SH3RF2: variants seen among roughly 807,000 people sequenced by gnomAD.
SH3RF2 encodes the protein E3 ubiquitin-protein ligase SH3RF2.
Under a neutral mutation model 59.0 loss-of-function variants are expected in SH3RF2, and 43 were observed. The ratio of observed to expected loss-of-function variants is 0.73; its 90% CI spans 0.57 to 0.94. The LOEUF is 0.94. Ranked by LOEUF, SH3RF2 falls within the 40% of genes least tolerant of loss-of-function variation. SH3RF2 has a pLI of 0.00. For missense variants in SH3RF2, 930 were observed against 940.1 expected, an observed-to-expected ratio of 0.99 and a Z score of 0.14; for synonymous variants, 391 against 391.5, an observed-to-expected ratio of 1.00 and a Z score of 0.01.
intron 2 of SH3RF2, among the ~76,000 whole-genome samples, chr5:145,968,376 G>A (rs894905975): frequency 1.3e-5 from 2 of 152,134 alleles, no homozygotes; most frequent in Non-Finnish European, 1.5e-5. Context: ...TTTAAAATGA[G>A]TTAGCTCTAA....
intron 3 of SH3RF2, among the ~76,000 whole-genome samples, chr5:146,001,052 G>A (rs115139686): frequency 4.2e-4 from 64 of 152,194 alleles, no homozygotes; most frequent in African/African-American, 8.2e-4. Context: ...TAACATAATC[G>A]TGCCTTTCTA....
At chr5:145,973,076 C>T (rs1759149929) in intron 2 of SH3RF2, among the ~76,000 whole-genome samples, 1 of 152,130 alleles carries the variant, frequency 6.6e-6, no homozygotes, top group Non-Finnish European at 1.5e-5. Flanking sequence ...GTGCTTGGGA[C>T]TCAGGAAAGG....
rs1762949417 is a variant in SH3RF2, at chr5:146,062,775, T to C, written c.*74T>C. 1 of 1,530,244 alleles carries C rather than the reference T, an allele frequency of 6.5e-7. No homozygotes were observed. Among genetic ancestry groups the C allele is most frequent in the Non-Finnish European group, 8.8e-7 (1 of 1,136,360 alleles). 94.8% of individuals were successfully genotyped at this position (1,530,244 alleles called of 1,614,324 possible). On this transcript the variant is annotated 3_prime_UTR_variant, in exon 10 of 10. Coordinates refer to ENST00000359120, the MANE Select transcript of SH3RF2 (RefSeq NM_152550.4). ...ATACAGTCTGCCTCCACTGAGGGCA[T>C]CCTGCCATTCTTTGGGGACTTGAGC...
At chr5:146,063,646 G>A (rs1471608590), downstream of SH3RF2, among the ~76,000 whole-genome samples, 1 of 152,198 alleles carries the variant, frequency 6.6e-6, no homozygotes, top group Non-Finnish European at 1.5e-5. Context: ...GACCACTTGA[G>A]GTCAGGAGTT....
At chr5:145,969,852 T>C (rs1759007148) in intron 2 of SH3RF2, among the ~76,000 whole-genome samples, 1 of 152,178 alleles carries the variant, frequency 6.6e-6, no homozygotes, top group South Asian at 2.1e-4. Flanking sequence ...CAATATACAC[T>C]GTAGTGCCAG....
chr5:145,998,603 T>A (rs1034685407), intron 2 of SH3RF2, among the ~76,000 whole-genome samples: 1 of 152,328 alleles, frequency 6.6e-6, no homozygotes, highest in Admixed American at 6.5e-5. Context: ...ACACTTTTTT[T>A]TCATTTCCCA....
intron 4 of SH3RF2, among the ~76,000 whole-genome samples, chr5:146,006,640 A>G (rs949479872): frequency 6.6e-6 from 1 of 152,184 alleles, no homozygotes. Context: ...AGAGAGTGAA[A>G]GAGGAACAAA....
intron 2 of SH3RF2, among the ~76,000 whole-genome samples, chr5:145,986,815 A>T (rs1759725995): frequency 6.6e-6 from 1 of 152,168 alleles, no homozygotes; most frequent in Non-Finnish European, 1.5e-5. Context: ...AAAAATGAAA[A>T]TACGCCAATG....
At chr5:146,004,284 G>T (rs1001929311) in intron 4 of SH3RF2, 131 bp downstream of exon 4, 5 of 588,396 alleles carry the variant, frequency 8.5e-6, no homozygotes, top group African/African-American at 5.8e-5. Flanking sequence ...CTAAAGAAAA[G>T]ATGCCAGACA....
At chr5:145,950,966 A>G (rs1358147074) in intron 2 of SH3RF2, among the ~76,000 whole-genome samples, 1 of 152,258 alleles carries the variant, frequency 6.6e-6, no homozygotes, top group Non-Finnish European at 1.5e-5. Context: ...TACTATGGTT[A>G]TGGAAAAAGT....
chr5:146,005,166 T>TA (rs201859023), intron 4 of SH3RF2, among the ~76,000 whole-genome samples: 24 of 148,604 alleles, frequency 1.6e-4, no homozygotes, highest in African/African-American at 2.7e-4. Flanking sequence ...AAATCTTCTT[T>TA]AAAAAAAAAA....
intron 5 of SH3RF2, among the ~76,000 whole-genome samples, chr5:146,025,607 T>C (rs1438202390): frequency 6.6e-6 from 1 of 152,208 alleles, no homozygotes; most frequent in Non-Finnish European, 1.5e-5. Context: ...GGAACATAAA[T>C]CAAAACATGA....
intron 9 of SH3RF2, among the ~76,000 whole-genome samples, chr5:146,077,580 G>T (rs1763361940): frequency 6.6e-6 from 1 of 152,090 alleles, no homozygotes; most frequent in Non-Finnish European, 1.5e-5. Flanking sequence ...AAACATTTCA[G>T]TGTGTATTTT....
At chr5:146,023,374 A>G (rs1761405001) in intron 5 of SH3RF2, among the ~76,000 whole-genome samples, 1 of 152,018 alleles carries the variant, frequency 6.6e-6, no homozygotes, top group African/African-American at 2.4e-5. Context: ...ACACCTGCCT[A>G]ATTTTTGTAT....
intron 5 of SH3RF2, among the ~76,000 whole-genome samples, chr5:146,027,752 C>T (rs142415185): frequency 1.5e-3 from 222 of 152,190 alleles, no homozygotes; most frequent in African/African-American, 4.9e-3. Flanking sequence ...AAAAAGGAAG[C>T]GAGCTGAGGT....
At chr5:146,004,473 TTAAA>T (rs1561736239) in intron 4 of SH3RF2, among the ~76,000 whole-genome samples, 2 of 152,188 alleles carry the variant, frequency 1.3e-5, no homozygotes, top group Non-Finnish European at 2.9e-5. Context: ...AAGAAAATAT[TTAAA>T]TAAGTATGCA....
chr5:145,942,011 A>G (rs1757834883), intron 2 of SH3RF2, among the ~76,000 whole-genome samples: 1 of 152,092 alleles, frequency 6.6e-6, no homozygotes, highest in Non-Finnish European at 1.5e-5. Flanking sequence ...TGATTTTTGC[A>G]TTGTTTTGTT....
intron 9 of SH3RF2, among the ~76,000 whole-genome samples, chr5:146,071,172 G>GCTAAAC (rs1763228946): frequency 6.6e-6 from 1 of 152,186 alleles, no homozygotes; most frequent in Non-Finnish European, 1.5e-5. Flanking sequence ...AAAATGTACA[G>GCTAAAC]AGGCAGCTAA....
At chr5:145,991,614 A>G (rs541874187) in intron 2 of SH3RF2, among the ~76,000 whole-genome samples, 130 of 152,304 alleles carry the variant, frequency 8.5e-4, no homozygotes, top group Non-Finnish European at 1.6e-3. Context: ...AATAGAATCT[A>G]TATATAATTC....
Sources: allele counts gnomAD v4.1 joint callset (sites outside exome capture counted in the v4.1 genomes callset), GRCh38; gene constraint gnomAD v4.1.1; transcripts MANE v1.5; gene names NCBI Gene and HGNC (gene_info 2026-07-23, HGNC 2026-07-21).